The following TRPM7 variants were observed in gnomAD, a reference collection of about 807,000 sequenced individuals.
TRPM7 encodes the protein LTRPC ion channel family member 7.
TRPM7 carries 134 observed loss-of-function variants against 229.7 expected under a neutral mutation model. The ratio of observed to expected loss-of-function variants is 0.58; its 90% CI spans 0.51 to 0.67. The LOEUF (loss-of-function observed/expected upper bound fraction) is 0.67. TRPM7 is among the 30% of genes least tolerant of loss of function. TRPM7 has a pLI of 0.00. For synonymous variants in TRPM7, 699 were observed against 715.2 expected, an observed-to-expected ratio of 0.98 and a Z score of 0.36; for missense variants, 1,901 against 2,210.0, an observed-to-expected ratio of 0.86 and a Z score of 2.80.
chr15:50,661,159 T>C (rs139227784), intron 2 of TRPM7, among the ~76,000 whole-genome samples: 8,847 of 152,034 alleles, frequency 0.058, 328 homozygotes, highest in African/African-American at 0.11. Context: ...GTATTTTTAG[T>C]AGAGACAGTG....
chr15:50,607,412 A>C, intron 19 of TRPM7, 84 bp from the exon 20 acceptor site: 1 of 1,191,628 alleles, frequency 8.4e-7, no homozygotes, highest in Non-Finnish European at 1.2e-6. Context: ...CACACACAAA[A>C]ACAGACATTA....
chr15:50,640,549 G>A (rs1166723247), intron 5 of TRPM7, among the ~76,000 whole-genome samples: 1 of 150,712 alleles, frequency 6.6e-6, no homozygotes, highest in African/African-American at 2.5e-5. Context: ...GCCTCCCAAA[G>A]TGCTGGGATT....
chr15:50,602,084 G>A (rs956289699), intron 21 of TRPM7, among the ~76,000 whole-genome samples: 1 of 151,476 alleles, frequency 6.6e-6, no homozygotes, highest in African/African-American at 2.4e-5. Context: ...ACATGCACAC[G>A]TATGTTTACT....
intron 20 of TRPM7, among the ~76,000 whole-genome samples, chr15:50,605,692 T>C (rs193275938): frequency 1.3e-5 from 2 of 152,350 alleles, no homozygotes; most frequent in Non-Finnish European, 2.9e-5. Context: ...CCTTAGCCAA[T>C]TAATTACTCT....
intron 27 of TRPM7, among the ~76,000 whole-genome samples, chr15:50,589,212 C>T (rs973591457): frequency 6.6e-6 from 1 of 150,836 alleles, no homozygotes; most frequent in Non-Finnish European, 1.5e-5. Context: ...ATCCCAGCTA[C>T]TCAAGAGGCT....
chr15:50,612,435 A>G lies in TRPM7; in HGVS notation c.2051+114T>C, dbSNP rs17702205. ...ATATAATTTTCTGTCAATTGTACCA[A>G]TAAGATTATACATATAAATACATCA... On this transcript the variant is annotated intron_variant, in intron 16 of 38. Transcript: ENST00000646667. 190 of 779,952 alleles carry G rather than the reference A, an allele frequency of 2.4e-4. 1 individual carries two copies. The African/African-American group carries it at 3.1e-3, about 13-fold the overall frequency. The allele number at this position is 779,952 out of a possible 1,614,324, so 48.3% of individuals were successfully genotyped here.
At chr15:50,578,419 AG>A (rs1360640088) in intron 31 of TRPM7, 3 of 382,386 alleles carry the variant, frequency 7.8e-6, no homozygotes, top group Non-Finnish European at 1.4e-5. Context: ...AGTAGCAGGG[AG>A]GAAGTGTGAC....
At chr15:50,627,429 G>A (rs549744317) in intron 11 of TRPM7, among the ~76,000 whole-genome samples, 1 of 152,240 alleles carries the variant, frequency 6.6e-6, no homozygotes, top group East Asian at 1.9e-4. Flanking sequence ...TGTTAAGATA[G>A]AGAGACAGGC....
At chr15:50,593,784 A>G in intron 24 of TRPM7, 35 bp from the exon 25 acceptor site, 1 of 1,579,378 alleles carries the variant, frequency 6.3e-7, no homozygotes, top group Non-Finnish European at 8.6e-7. Flanking sequence ...ATCAAGGAAG[A>G]GCTATCAAGG....
At chr15:50,663,827 G>A (rs1441558776) in intron 1 of TRPM7, among the ~76,000 whole-genome samples, 1 of 152,132 alleles carries the variant, frequency 6.6e-6, no homozygotes, top group Non-Finnish European at 1.5e-5. Context: ...GCCAGGTATG[G>A]TGATGTGCTC....
intron 1 of TRPM7, among the ~76,000 whole-genome samples, chr15:50,677,966 G>C (rs1353824192): frequency 3.3e-5 from 5 of 151,812 alleles, no homozygotes; most frequent in African/African-American, 1.2e-4. Context: ...TTGGCTGGGC[G>C]CAGTGGCTCA....
intron 14 of TRPM7, 75 bp downstream of exon 14, chr15:50,614,048 G>T: frequency 7.0e-7 from 1 of 1,426,470 alleles, no homozygotes; most frequent in Admixed American, 2.2e-5. Flanking sequence ...CCGTTCTAAT[G>T]TTAATTCTTA....
intron 38 of TRPM7, among the ~76,000 whole-genome samples, chr15:50,568,082 A>G (rs76148438): frequency 6.8e-6 from 1 of 148,084 alleles, no homozygotes; most frequent in Non-Finnish European, 1.5e-5. Context: ...CCGTCTCAAA[A>G]AAAAAAAAAA....
chr15:50,612,795 C>T lies in TRPM7; in HGVS notation c.1805G>A (p.Arg602Lys). 1.2e-6 allele frequency: 2 copies of T among 1,613,544 alleles called. No homozygotes were observed. The highest frequency in any genetic ancestry group is 2.2e-5 in the East Asian group (1 of 44,866). Reference protein sequence around the residue: ...DTVMEEGKKKRTKDEIVDIDD... With the variant: ...DTVMEEGKKKKTKDEIVDIDD... ...AATGTCTACAATTTCATCTTTGGTT[C>T]TTTTCTTCTTTCCTTCTTCCATAAC... Residue 602 changes from arginine to lysine, a missense_variant, in exon 16 of 39, where the codon AGA (arginine) becomes AAA (lysine). Coordinates refer to ENST00000646667, the MANE Select transcript of TRPM7 (RefSeq NM_017672.6).
chr15:50,686,116 G>A (rs1403391092), intron 1 of TRPM7, among the ~76,000 whole-genome samples: 3 of 152,152 alleles, frequency 2.0e-5, no homozygotes, highest in Admixed American at 2.0e-4. Context: ...CTTGAGCAGA[G>A]CATTTGGTTC....
intron 8 of TRPM7, among the ~76,000 whole-genome samples, chr15:50,633,908 C>T (rs2060809118): frequency 6.6e-6 from 1 of 152,196 alleles, no homozygotes; most frequent in African/African-American, 2.4e-5. Context: ...ACATATGAGT[C>T]AGGCTATTTC....
chr15:50,657,703 G>T, intron 3 of TRPM7, 78 bp downstream of exon 3: 1 of 1,285,788 alleles, frequency 7.8e-7, no homozygotes, highest in Non-Finnish European at 1.1e-6. Flanking sequence ...TCATGCCACT[G>T]TGTTCTAACT....
In TRPM7 at chr15:50,604,865, C is replaced by T; in HGVS notation, c.2988+1G>A. On this transcript the variant is annotated splice_donor_variant, in intron 21 of 38. Transcript: ENST00000646667. LOFTEE classifies it high-confidence loss of function. ...GTATTATCAAACATCTGTCAACTTA[C>T]CATTTTTCCAATCATCATTACATAA... is the stretch of plus-strand genomic sequence containing the variant. The T allele has an allele frequency of 6.4e-7, 1 of 1,558,566 alleles. No homozygotes were observed. The highest frequency in any genetic ancestry group is 2.3e-5 in the East Asian group (1 of 44,140).
intron 27 of TRPM7, among the ~76,000 whole-genome samples, chr15:50,587,405 CTTT>C (rs34826776): frequency 0.034 from 3,143 of 91,394 alleles, 42 homozygotes; most frequent in African/African-American, 0.12. Flanking sequence ...ATAAATACTG[CTTT>C]TTTTTTTTTT....
Sources: allele counts gnomAD v4.1 joint callset (sites outside exome capture counted in the v4.1 genomes callset), GRCh38; gene constraint gnomAD v4.1.1; transcripts MANE v1.5; gene names NCBI Gene and HGNC (gene_info 2026-07-23, HGNC 2026-07-21).